Variants in PLA2G4A observed in about 807,000 individuals in gnomAD.
PLA2G4A encodes phospholipase A2 group IVA.
Under a neutral mutation model 81.9 loss-of-function variants are expected in PLA2G4A, and 40 were observed. The observed-to-expected ratio is 0.49, with a 90% CI of 0.38 to 0.64. PLA2G4A has a LOEUF of 0.64. PLA2G4A is among the 30% of genes least tolerant of loss of function. The pLI is 0.00. For synonymous variants in PLA2G4A, 302 were observed against 296.9 expected (o/e 1.02, Z -0.18); for missense variants, 715 against 905.1 (o/e 0.79, Z 2.69).
chr1:186,872,268 T>C (rs1054079060), intron 3 of PLA2G4A, among the ~76,000 whole-genome samples: 8 of 152,052 alleles, frequency 5.3e-5, no homozygotes, highest in Non-Finnish European at 8.8e-5. Flanking sequence ...AATGAGAATT[T>C]ACTGAAAGAA....
chr1:186,870,416 A>G lies in PLA2G4A; in HGVS notation c.34-19A>G, dbSNP rs1414857394. On this transcript the variant is annotated intron_variant, in intron 2 of 17. Transcript: ENST00000367466. ...TATGTTGGAAGCTTATTTTAAATTT[A>G]CTGTCATTTTATTTCCAGGTGGAGC... The G allele has an allele frequency of 1.4e-5, 20 of 1,441,052 alleles. No homozygotes were observed. Among genetic ancestry groups the G allele is most frequent in the African/African-American group, 5.6e-5 (4 of 71,592 alleles). The allele number at this position is 1,441,052 out of a possible 1,614,324, so 89.3% of individuals were successfully genotyped here.
At chr1:186,928,542 A>G (rs950959632) in intron 7 of PLA2G4A, among the ~76,000 whole-genome samples, 1 of 152,160 alleles carries the variant, frequency 6.6e-6, no homozygotes, top group African/African-American at 2.4e-5. Flanking sequence ...CCCATTTTGC[A>G]GATTTGGACT....
intron 15 of PLA2G4A, among the ~76,000 whole-genome samples, chr1:186,965,995 T>A (rs778265521): frequency 2.0e-5 from 3 of 151,926 alleles, no homozygotes; most frequent in Non-Finnish European, 4.4e-5. Context: ...AGGAAGTGTG[T>A]AGTATTATGA....
chr1:186,878,734 GT>G (rs1355696287), intron 3 of PLA2G4A, among the ~76,000 whole-genome samples: 1 of 151,630 alleles, frequency 6.6e-6, no homozygotes, highest in Non-Finnish European at 1.5e-5. Flanking sequence ...AGATTTTTTT[GT>G]TTGTGTATGT....
chr1:186,918,961 C>A (rs532748434), intron 7 of PLA2G4A, among the ~76,000 whole-genome samples: 2 of 152,204 alleles, frequency 1.3e-5, no homozygotes, highest in Non-Finnish European at 2.9e-5. Flanking sequence ...TAGTGGCCAG[C>A]CTTTGGAAAC....
At chr1:186,861,279 G>C (rs747162936) in intron 2 of PLA2G4A, among the ~76,000 whole-genome samples, 9 of 152,110 alleles carry the variant, frequency 5.9e-5, no homozygotes, top group Non-Finnish European at 8.8e-5. Context: ...CAGGAGTGTG[G>C]TTTACCAGCG....
At position 186,977,727 on chromosome 1, in the gene PLA2G4A, T is replaced by G; in HGVS notation, c.1899T>G (p.Asp633Glu). The G allele has an allele frequency of 6.2e-7, 1 of 1,613,918 alleles. No individual in the cohort carries two copies. Among genetic ancestry groups the G allele is most frequent in the Non-Finnish European group, 8.5e-7 (1 of 1,179,822 alleles). Residue 633 changes from aspartate (D) to glutamate (E), a missense_variant, in exon 16 of 18, where the codon GAT becomes GAG. Asp to Glu is a conservative substitution (Grantham distance 45). Transcript: ENST00000367466. Reference protein sequence around the residue: ...FKPKNPDMEKDCPTIIHFVLA... With the variant: ...FKPKNPDMEKECPTIIHFVLA... ...CCAAGAATCCTGATATGGAGAAAGA[T>G]TGCCCAACCATCATCCACTTTGTTC... is the stretch of plus-strand genomic sequence containing the variant.
chr1:186,966,392 G>A (rs1657132393), intron 15 of PLA2G4A, among the ~76,000 whole-genome samples: 1 of 152,100 alleles, frequency 6.6e-6, no homozygotes, highest in Admixed American at 6.6e-5. Flanking sequence ...AAGGACACAA[G>A]TGGGGAACAG....
chr1:186,865,357 G>C (rs1236337330), intron 2 of PLA2G4A, among the ~76,000 whole-genome samples: 1 of 152,042 alleles, frequency 6.6e-6, no homozygotes, highest in Non-Finnish European at 1.5e-5. Context: ...AGATAATGCT[G>C]ATCATTCTTT....
At chr1:186,900,739 A>G (rs1053824172) in intron 5 of PLA2G4A, among the ~76,000 whole-genome samples, 2 of 152,156 alleles carry the variant, frequency 1.3e-5, no homozygotes, top group African/African-American at 4.8e-5. Context: ...CACAGATAAG[A>G]TTATGCTTCT....
chr1:186,917,522 C>T (rs1054819814), intron 7 of PLA2G4A, among the ~76,000 whole-genome samples: 2 of 152,134 alleles, frequency 1.3e-5, no homozygotes, highest in African/African-American at 2.4e-5. Context: ...TCCACCTTTC[C>T]GGAACTCTGA....
intron 17 of PLA2G4A, among the ~76,000 whole-genome samples, chr1:186,987,323 G>T (rs192379739): frequency 6.6e-6 from 1 of 152,232 alleles, no homozygotes; most frequent in East Asian, 1.9e-4. Flanking sequence ...AGGCCATAGC[G>T]TCCTAAACTG....
intron 2 of PLA2G4A, among the ~76,000 whole-genome samples, chr1:186,870,068 G>A (rs1481230849): frequency 6.6e-6 from 1 of 152,146 alleles, no homozygotes; most frequent in Non-Finnish European, 1.5e-5. Context: ...AACAACAAAC[G>A]AATCTAGAAT....
chr1:186,982,690 T>C (rs919643187), intron 17 of PLA2G4A, among the ~76,000 whole-genome samples: 61 of 152,194 alleles, frequency 4.0e-4, no homozygotes, highest in African/African-American at 1.5e-3. Context: ...TGTGCGTGTG[T>C]GTGTGTGTGT....
At position 186,839,577 on chromosome 1, in the gene PLA2G4A, T is replaced by C. The variant is rs75939126; in HGVS notation, c.-70+10542T>C. On this transcript the variant is annotated intron_variant, in intron 1 of 17. Transcript: ENST00000367466. The stretch of plus-strand genomic sequence containing the variant: ...CCTGCTTATTGATTTTACTAATGTA[T>C]TTTTGGCACAGTTCTCCAGCTTGCT... Among the ~76,000 whole-genome samples, 7 of 152,314 alleles carry C rather than the reference T, an allele frequency of 4.6e-5. No homozygotes were observed. In the East Asian group the frequency reaches 1.4e-3, roughly 29 times the overall value.
chr1:186,933,629 T>G (rs997620025), intron 8 of PLA2G4A, among the ~76,000 whole-genome samples: 1 of 152,194 alleles, frequency 6.6e-6, no homozygotes, highest in African/African-American at 2.4e-5. Context: ...TTACTAAAGA[T>G]CTGCCTTGGA....
At chr1:186,944,003 C>A (rs1472657505) in intron 10 of PLA2G4A, among the ~76,000 whole-genome samples, 1 of 151,832 alleles carries the variant, frequency 6.6e-6, no homozygotes, top group Non-Finnish European at 1.5e-5. Context: ...GTGATAAGGC[C>A]CTGGAACTAG....
intron 1 of PLA2G4A, among the ~76,000 whole-genome samples, chr1:186,831,954 GTT>G (rs5779305): frequency 2.0e-5 from 3 of 151,692 alleles, no homozygotes; most frequent in African/African-American, 7.3e-5. Context: ...GTTAAAACAT[GTT>G]TTTTTTAATA....
intron 2 of PLA2G4A, among the ~76,000 whole-genome samples, chr1:186,868,028 T>C (rs1571348393): frequency 6.6e-6 from 1 of 151,878 alleles, no homozygotes; most frequent in Non-Finnish European, 1.5e-5. Flanking sequence ...TGAACCAGCC[T>C]TGTGTATCTG....
Sources: allele counts gnomAD v4.1 joint callset (sites outside exome capture counted in the v4.1 genomes callset), GRCh38; gene constraint gnomAD v4.1.1; transcripts MANE v1.5; gene names NCBI Gene and HGNC (gene_info 2026-07-23, HGNC 2026-07-21).